The following BLTP3A variants were observed in gnomAD, a reference collection of about 807,000 sequenced individuals.
BLTP3A encodes the protein ICBP90 binding protein 1.
At chr6:34,801,068 T>A in the BLTP3A span, among the ~76,000 whole-genome samples, 34 of 152,316 alleles carry the variant, frequency 2.2e-4, no homozygotes, top group Middle Eastern at 3.4e-3. Flanking sequence ...ATTTGTTGAA[T>A]TGACTGTTGT....
At chr6:34,836,194 C>G in the BLTP3A span, 4 of 1,614,138 alleles carry the variant, frequency 2.5e-6, no homozygotes, top group African/African-American at 5.3e-5. Context: ...AGTCCTGGGC[C>G]CAGGCATTTG....
chr6:34,858,443 T>C, the BLTP3A span: 28 of 1,614,040 alleles, frequency 1.7e-5, no homozygotes, highest in African/African-American at 2.5e-4. Flanking sequence ...CTCTGGTCTG[T>C]CCACTTTACC....
At chr6:34,853,691 G>C in the BLTP3A span, among the ~76,000 whole-genome samples, 1 of 151,974 alleles carries the variant, frequency 6.6e-6, no homozygotes, top group Non-Finnish European at 1.5e-5. Flanking sequence ...CTCCTGAGTA[G>C]CTGGGATTAC....
chr6:34,824,863 A>C, the BLTP3A span, among the ~76,000 whole-genome samples: 2 of 151,244 alleles, frequency 1.3e-5, no homozygotes, highest in Admixed American at 1.3e-4. Flanking sequence ...TAGAGATGGG[A>C]TTTTGCCGTG....
chr6:34,836,203 TGG>T, the BLTP3A span: 1 of 1,614,054 alleles, frequency 6.2e-7, no homozygotes. Flanking sequence ...CCCAGGCATT[TGG>T]TGGCAGCCAG....
chr6:34,837,150 C>T, the BLTP3A span, among the ~76,000 whole-genome samples: 1 of 152,190 alleles, frequency 6.6e-6, no homozygotes, highest in Non-Finnish European at 1.5e-5. Context: ...TCTCCATTGC[C>T]ATCAGTTCTT....
the BLTP3A span, among the ~76,000 whole-genome samples, chr6:34,854,007 A>G: frequency 1.3e-5 from 2 of 152,162 alleles, no homozygotes; most frequent in East Asian, 3.9e-4. Context: ...GTGGATCACG[A>G]GCTCAGGAGT....
At chr6:34,868,606 C>A in the BLTP3A span, among the ~76,000 whole-genome samples, 25 of 151,840 alleles carry the variant, frequency 1.6e-4, no homozygotes, top group South Asian at 5.0e-3. Context: ...CACCTGTAAT[C>A]CCAGCTACTT....
chr6:34,827,324 AAAAC>A, the BLTP3A span, among the ~76,000 whole-genome samples: 1 of 147,434 alleles, frequency 6.8e-6, no homozygotes, highest in Non-Finnish European at 1.5e-5. Flanking sequence ...AAAAAGAAAA[AAAAC>A]AAAACAAAGA....
At chr6:34,837,293 A>G in the BLTP3A span, among the ~76,000 whole-genome samples, 2 of 152,266 alleles carry the variant, frequency 1.3e-5, no homozygotes, top group East Asian at 1.9e-4. Context: ...TGTAATCTCA[A>G]TACTTTGGGA....
chr6:34,865,364 A>G, the BLTP3A span, among the ~76,000 whole-genome samples: 17 of 152,334 alleles, frequency 1.1e-4, no homozygotes, highest in East Asian at 2.5e-3. Context: ...GTTATCACAA[A>G]TGACAGGATT....
chr6:34,876,674 AC>A, the BLTP3A span: 2 of 152,242 alleles, frequency 1.3e-5, no homozygotes, highest in African/African-American at 4.8e-5. Flanking sequence ...CATAGTCATT[AC>A]TAAGGGTTTC....
At chr6:34,805,157 C>T in the BLTP3A span, among the ~76,000 whole-genome samples, 3 of 151,756 alleles carry the variant, frequency 2.0e-5, no homozygotes, top group African/African-American at 7.3e-5. Context: ...AGCTGGGCAT[C>T]GTGGCACACA....
chr6:34,861,277 C>T, the BLTP3A span, among the ~76,000 whole-genome samples: 1 of 152,082 alleles, frequency 6.6e-6, no homozygotes, highest in Non-Finnish European at 1.5e-5. Context: ...AGGCATGCGC[C>T]ACCACGCCCA....
At chr6:34,848,776 C>T in the BLTP3A span, among the ~76,000 whole-genome samples, 4 of 151,820 alleles carry the variant, frequency 2.6e-5, no homozygotes, top group Non-Finnish European at 5.9e-5. Flanking sequence ...TTCAGCCATT[C>T]TGTGTCTTTT....
the BLTP3A span, among the ~76,000 whole-genome samples, chr6:34,809,350 A>G: frequency 2.6e-5 from 4 of 152,132 alleles, no homozygotes; most frequent in Non-Finnish European, 5.9e-5. Flanking sequence ...CAGCAGTTGC[A>G]CCACTGCACT....
the BLTP3A span, chr6:34,876,288 C>G: frequency 6.6e-6 from 1 of 152,204 alleles, no homozygotes; most frequent in Admixed American, 6.6e-5. Flanking sequence ...TTTATGTGTG[C>G]TTTTTATGGC....
the BLTP3A span, among the ~76,000 whole-genome samples, chr6:34,820,774 C>T: frequency 3.4e-5 from 5 of 147,384 alleles, no homozygotes; most frequent in Admixed American, 6.9e-5. Flanking sequence ...ACCTCAGCCT[C>T]CTGGGTAGCT....
the BLTP3A span, among the ~76,000 whole-genome samples, chr6:34,801,753 G>T: frequency 6.6e-6 from 1 of 151,622 alleles, no homozygotes; most frequent in African/African-American, 2.4e-5. Context: ...ACGGAGTCTC[G>T]CTCTGTCTCC....
Sources: allele counts gnomAD v4.1 joint callset (sites outside exome capture counted in the v4.1 genomes callset), GRCh38; gene constraint gnomAD v4.1.1; transcripts MANE v1.5; gene names NCBI Gene and HGNC (gene_info 2026-07-23, HGNC 2026-07-21).